Variants in OR10A6 observed in about 807,000 individuals in gnomAD.
The protein encoded by OR10A6 is olfactory receptor family 10 subfamily A member 6 (gene/pseudogene).
OR10A6 carries 2 observed loss-of-function variants against 1.5 expected under a neutral mutation model. The ratio of observed to expected loss-of-function variants is 1.31; its 90% CI spans 0.54 to 4.13. The LOEUF (loss-of-function observed/expected upper bound fraction) is 4.13, where lower values mean the gene tolerates loss of function less well. Ranked by LOEUF, OR10A6 falls within the 30% of genes most tolerant of loss-of-function variation. OR10A6 has a pLI of 0.07. For synonymous variants in OR10A6, 169 were observed against 137.3 expected (o/e 1.23, Z -1.61); for missense variants, 492 against 368.6 (o/e 1.33, Z -2.74).
rs1859374245 is a variant in OR10A6, at chr11:7,925,276, AGC to A, written c.*2440_*2441del. The A allele has an allele frequency of 6.6e-6, 1 of 152,222 alleles. No homozygotes were observed. The highest frequency in any genetic ancestry group is 2.1e-4 in the South Asian group (1 of 4,836). 9.4% of individuals were successfully genotyped at this position (152,222 alleles called of 1,614,324 possible). A position where few individuals can be genotyped will look rare whatever the true frequency, so the allele number is the denominator to read the frequency against. On this transcript the variant is annotated 3_prime_UTR_variant, in exon 4 of 4. Transcript: ENST00000641238. ...ATTTTAAACTATGACTAAATTTACT[AGC>A]GATTATTTCTATCTCCTCACATAAC... is the stretch of plus-strand genomic sequence containing the variant.
chr11:7,930,250 T>G lies in OR10A6; in HGVS notation c.-1588A>C, dbSNP rs1859511293. The G allele has an allele frequency of 1.3e-5, 2 of 151,526 alleles. No individual in the cohort carries two copies. The highest frequency in any genetic ancestry group is 2.4e-5 in the African/African-American group (1 of 41,172). 9.4% of individuals were successfully genotyped at this position (151,526 alleles called of 1,614,324 possible). A position where few individuals can be genotyped will look rare whatever the true frequency, so the allele number is the denominator to read the frequency against. ...AAATTTAAGTAAGGGAATGATGACA[T>G]TTGAAGGGGGTGGAGGATGAACAAA... On this transcript the variant is annotated 5_prime_UTR_variant, in exon 4 of 4. It removes an upstream start codon present in the reference 5' UTR. Coordinates refer to ENST00000641238, the MANE Select transcript of OR10A6 (RefSeq NM_001004461.2).
rs1859490172 is a variant in OR10A6 at position 7,929,736 on chromosome 11, A to ATG, written c.-1075_-1074insCA. The ATG allele has an allele frequency of 5.8e-5, 2 of 34,570 alleles. No individual in the cohort carries two copies. The allele number at this position is 34,570 out of a possible 1,614,324, so 2.1% of individuals were successfully genotyped here. A position where few individuals can be genotyped will look rare whatever the true frequency, so the allele number is the denominator to read the frequency against. ...TTTCTATGTGTACATATATATATAT[A>ATG]TATATATATATATATATATACACAC... On this transcript the variant is annotated 5_prime_UTR_variant, in exon 4 of 4. The change abolishes the stop of an existing upstream ORF in the 5' untranslated region. Coordinates refer to ENST00000641238, the MANE Select transcript of OR10A6 (RefSeq NM_001004461.2).
chr11:7,925,844 G>A lies in OR10A6; in HGVS notation c.*1874C>T, dbSNP rs923980103. 11 of 152,180 alleles carry A rather than the reference G, an allele frequency of 7.2e-5. No homozygotes were observed. The highest frequency in any genetic ancestry group is 4.6e-4 in the Admixed American group (7 of 15,272). 9.4% of individuals were successfully genotyped at this position (152,180 alleles called of 1,614,324 possible). On this transcript the variant is annotated 3_prime_UTR_variant, in exon 4 of 4. Coordinates refer to ENST00000641238, the MANE Select transcript of OR10A6 (RefSeq NM_001004461.2). ...ACAACATTCAGATATCACTGATAGC[G>A]ACAGGAGGCAGCCAAATGCCTAGGC...
chr11:7,924,928 T>A lies in OR10A6; in HGVS notation c.*2790A>T, dbSNP rs1356759478. The stretch of plus-strand genomic sequence containing the variant: ...TAAAGAGTTTTCATAGACACCCTAC[T>A]CAAGGATGTCCACCTATATATCACT... On this transcript the variant is annotated 3_prime_UTR_variant, in exon 4 of 4. Coordinates refer to ENST00000641238, the MANE Select transcript of OR10A6 (RefSeq NM_001004461.2). 1 of 152,116 alleles carries A rather than the reference T, an allele frequency of 6.6e-6. No individual in the cohort carries two copies. Among genetic ancestry groups the A allele is most frequent in the African/African-American group, 2.4e-5 (1 of 41,418 alleles). The allele number at this position is 152,116 out of a possible 1,614,324, so 9.4% of individuals were successfully genotyped here. A position where few individuals can be genotyped will look rare whatever the true frequency, so the allele number is the denominator to read the frequency against.
chr11:7,924,948 A>G lies in OR10A6; in HGVS notation c.*2770T>C, dbSNP rs921870871. On this transcript the variant is annotated 3_prime_UTR_variant, in exon 4 of 4. Coordinates refer to ENST00000641238, the MANE Select transcript of OR10A6 (RefSeq NM_001004461.2). ...CCTACTCAAGGATGTCCACCTATAT[A>G]TCACTAGTCAGAACTGTGTCACAAA... 1.3e-5 allele frequency: 2 copies of G among 152,176 alleles called. No homozygotes were observed. The highest frequency in any genetic ancestry group is 6.5e-5 in the Admixed American group (1 of 15,274). The allele number at this position is 152,176 out of a possible 1,614,324, so 9.4% of individuals were successfully genotyped here.
chr11:7,931,073 A>C (rs1379594211), intron 1 of OR10A6, 60 bp from the exon 2 acceptor site: 1 of 152,220 alleles, frequency 6.6e-6, no homozygotes, highest in Non-Finnish European at 1.5e-5. Context: ...TCAATGTTTC[A>C]GCTGAGCCTA....
At position 7,928,178 on chromosome 11, in the gene OR10A6, C is replaced by T. The variant is rs866981874; in HGVS notation, c.485G>A (p.Trp162Ter). 3 of 1,613,284 alleles carry T rather than the reference C, an allele frequency of 1.9e-6. No homozygotes were observed. In the South Asian group the frequency reaches 3.3e-5, roughly 18 times the overall value. ...GFMLGTVQTS[W>*]VSSFPFCGLN... ...GCCACAAAAGGGAAAACTAGATACC[C>T]ATGATGTTTGAACAGTACCTAACAT... Residue 162 changes from tryptophan (W) to a stop codon, truncating the protein, a stop_gained, in exon 4 of 4, where the codon TGG becomes TAG. Coordinates refer to ENST00000641238, the MANE Select transcript of OR10A6 (RefSeq NM_001004461.2). LOFTEE classifies it low-confidence loss of function (END_TRUNC).
In OR10A6 at chr11:7,929,122, A is replaced by G. The variant is rs1397596; in HGVS notation, c.-460T>C. On this transcript the variant is annotated 5_prime_UTR_variant, in exon 4 of 4. Transcript: ENST00000641238. ...AATGTGATAATAGCCTAATAATCCA[A>G]TGTTACAGCATATTTGATATAAACT... 23,315 of 153,430 alleles carry G rather than the reference A, an allele frequency of 0.15. 2,370 individuals carry two copies. The highest frequency in any genetic ancestry group is 0.23 in the Middle Eastern group (67 of 296). 9.5% of individuals were successfully genotyped at this position (153,430 alleles called of 1,614,324 possible). A position where few individuals can be genotyped will look rare whatever the true frequency, so the allele number is the denominator to read the frequency against.
chr11:7,928,748 G>T lies in OR10A6; in HGVS notation c.-86C>A. The stretch of plus-strand genomic sequence containing the variant: ...GTCCATTAGCTAAGAGTTCCAGTCT[G>T]CATTCACCCCAGAAATTCTGGCAGA... On this transcript the variant is annotated 5_prime_UTR_variant, in exon 4 of 4. Coordinates refer to ENST00000641238, the MANE Select transcript of OR10A6 (RefSeq NM_001004461.2). The T allele has an allele frequency of 1.1e-6, 1 of 936,760 alleles. No individual in the cohort carries two copies. The highest frequency in any genetic ancestry group is 1.5e-6 in the Non-Finnish European group (1 of 672,200). The allele number at this position is 936,760 out of a possible 1,614,324, so 58.0% of individuals were successfully genotyped here. A position where few individuals can be genotyped will look rare whatever the true frequency, so the allele number is the denominator to read the frequency against.
rs1201723441 is a variant in OR10A6 at position 7,925,165 on chromosome 11, A to G, written c.*2553T>C. 6.6e-6 allele frequency: 1 copy of G among 152,234 alleles called. No homozygotes were observed. Among genetic ancestry groups the G allele is most frequent in the Admixed American group, 6.5e-5 (1 of 15,278 alleles). 9.4% of individuals were successfully genotyped at this position (152,234 alleles called of 1,614,324 possible). A position where few individuals can be genotyped will look rare whatever the true frequency, so the allele number is the denominator to read the frequency against. The stretch of plus-strand genomic sequence containing the variant: ...ACGGTGACTATAACTAAAAATCACC[A>G]TGAAGAATAGTATGCAGAAATGATA... On this transcript the variant is annotated 3_prime_UTR_variant, in exon 4 of 4. Coordinates refer to ENST00000641238, the MANE Select transcript of OR10A6 (RefSeq NM_001004461.2).
Position 7,925,969 on chromosome 11 carries a change from C to T in OR10A6, c.*1749G>A, listed in dbSNP as rs181377483. On this transcript the variant is annotated 3_prime_UTR_variant, in exon 4 of 4. Coordinates refer to ENST00000641238, the MANE Select transcript of OR10A6 (RefSeq NM_001004461.2). The stretch of plus-strand genomic sequence containing the variant: ...TTAAACTCTGGGACCGGATTGAGAA[C>T]TTATCTTCCCATTTCACATACTTTC... 1.8e-4 allele frequency: 28 copies of T among 152,340 alleles called. No homozygotes were observed. The highest frequency in any genetic ancestry group is 1.0e-3 in the Admixed American group (16 of 15,306). The allele number at this position is 152,340 out of a possible 1,614,324, so 9.4% of individuals were successfully genotyped here.
Position 7,928,675 on chromosome 11 carries a change from A to T in OR10A6, c.-13T>A. On this transcript the variant is annotated 5_prime_UTR_variant, in exon 4 of 4. Transcript: ENST00000641238. ...TTTGTCTTTCCATTTTCAGTAATGA[A>T]GTCGTGCATTGATTTTATGGACATA... The T allele has an allele frequency of 6.4e-7, 1 of 1,567,882 alleles. No homozygotes were observed. The highest frequency in any genetic ancestry group is 8.7e-7 in the Non-Finnish European group (1 of 1,152,992).
Position 7,928,720 on chromosome 11 carries a change from A to G in OR10A6, c.-58T>C. 7.1e-6 allele frequency: 9 copies of G among 1,272,860 alleles called. No homozygotes were observed. The highest frequency in any genetic ancestry group is 9.7e-6 in the Non-Finnish European group (9 of 931,390). 78.8% of individuals were successfully genotyped at this position (1,272,860 alleles called of 1,614,324 possible). ...GACATAGTATATACAGAATAAAGCC[A>G]CAGTCCATTAGCTAAGAGTTCCAGT... On this transcript the variant is annotated 5_prime_UTR_variant, in exon 4 of 4. Coordinates refer to ENST00000641238, the MANE Select transcript of OR10A6 (RefSeq NM_001004461.2).
Position 7,928,418 on chromosome 11 carries a change from A to C in OR10A6, c.245T>G (p.Leu82Arg). 6.2e-7 allele frequency: 1 copy of C among 1,613,944 alleles called. No homozygotes were observed. The highest frequency in any genetic ancestry group is 8.5e-7 in the Non-Finnish European group (1 of 1,179,906). The part of the protein sequence containing the change: ...SFSAVIMPEM[L>R]VVLSTEKTTI... ...AGTTTTTTCAGTAGAGAGGACCACCAGCATTTCAGGCATAATAACTGCACT... is the reference window on the plus strand; with the variant it reads ...AGTTTTTTCAGTAGAGAGGACCACCCGCATTTCAGGCATAATAACTGCACT... The change falls in exon 4 of 4, where the codon CTG becomes CGG. Residue 82 changes from leucine (L) to arginine (R), a missense_variant. Coordinates refer to ENST00000641238, the MANE Select transcript of OR10A6 (RefSeq NM_001004461.2).
At position 7,928,586 on chromosome 11, in the gene OR10A6, T is replaced by A; in HGVS notation, c.77A>T (p.Gln26Leu). The stretch of plus-strand genomic sequence containing the variant: ...AATAACCAGGAAAGCCACAAAGAGC[T>A]GCCCCTGGAGCTCAGGATAGTTAGA... Reference protein sequence around the residue: ...GFSNYPELQGQLFVAFLVIYL... With the variant: ...GFSNYPELQGLLFVAFLVIYL... Residue 26 changes from glutamine (Q) to leucine (L), a missense_variant, in exon 4 of 4, where the codon CAG becomes CTG. By Grantham distance (113) the Gln-to-Leu change is moderately radical. Coordinates refer to ENST00000641238, the MANE Select transcript of OR10A6 (RefSeq NM_001004461.2). 1 of 1,613,832 alleles carries A rather than the reference T, an allele frequency of 6.2e-7. No homozygotes were observed. The highest frequency in any genetic ancestry group is 1.3e-5 in the African/African-American group (1 of 75,042).
In OR10A6 at chr11:7,926,821, T is replaced by A. The variant is rs1859410788; in HGVS notation, c.*897A>T. On this transcript the variant is annotated 3_prime_UTR_variant, in exon 4 of 4. Coordinates refer to ENST00000641238, the MANE Select transcript of OR10A6 (RefSeq NM_001004461.2). Reference sequence around the variant, plus strand: ...ATGTGATTATTTTATGTTGGAAAGATGCACATAAATATTGATATGACCCAA... The same window carrying A: ...ATGTGATTATTTTATGTTGGAAAGAAGCACATAAATATTGATATGACCCAA... 6.6e-6 allele frequency: 1 copy of A among 152,218 alleles called. No homozygotes were observed. Among genetic ancestry groups the A allele is most frequent in the Non-Finnish European group, 1.5e-5 (1 of 68,036 alleles). 9.4% of individuals were successfully genotyped at this position (152,218 alleles called of 1,614,324 possible). A position where few individuals can be genotyped will look rare whatever the true frequency, so the allele number is the denominator to read the frequency against.
Position 7,926,328 on chromosome 11 carries a change from G to C in OR10A6, c.*1390C>G, listed in dbSNP as rs574345566. On this transcript the variant is annotated 3_prime_UTR_variant, in exon 4 of 4. Transcript: ENST00000641238. ...TTCTTGGGTGTGGTACAAAAGCTTG[G>C]GAACTGCTGAATGCAGGTACAAGCT... 30 of 152,302 alleles carry C rather than the reference G, an allele frequency of 2.0e-4. No individual in the cohort carries two copies. The highest frequency in any genetic ancestry group is 6.3e-4 in the African/African-American group (26 of 41,546). 9.4% of individuals were successfully genotyped at this position (152,302 alleles called of 1,614,324 possible). A position where few individuals can be genotyped will look rare whatever the true frequency, so the allele number is the denominator to read the frequency against.
In OR10A6 at chr11:7,929,958, A is replaced by ATG. The variant is rs1278464056; in HGVS notation, c.-1298_-1297dup. The ATG allele has an allele frequency of 2.4e-4, 19 of 79,038 alleles. No homozygotes were observed. The highest frequency in any genetic ancestry group is 8.7e-4 in the African/African-American group (16 of 18,414). 4.9% of individuals were successfully genotyped at this position (79,038 alleles called of 1,614,324 possible). On this transcript the variant is annotated 5_prime_UTR_variant, in exon 4 of 4. Coordinates refer to ENST00000641238, the MANE Select transcript of OR10A6 (RefSeq NM_001004461.2). ...ATATAAGCTCTAGTAAGGTATGTGTATGTGTATGTATATATATATATATAT... is the reference window on the plus strand; with the variant it reads ...ATATAAGCTCTAGTAAGGTATGTGTATGTGTGTATGTATATATATATATATAT...
intron 3 of OR10A6, 102 bp from the exon 4 acceptor site, chr11:7,930,617 G>A (rs1189000689): frequency 6.6e-6 from 1 of 152,050 alleles, no homozygotes; most frequent in African/African-American, 2.4e-5. Flanking sequence ...CACAAAAATT[G>A]TACTGTATTT....
Sources: gnomAD v4.1 joint callset for allele counts on GRCh38, gnomAD v4.1.1 for gene constraint, MANE v1.5 for transcripts, NCBI Gene and HGNC (gene_info 2026-07-23, HGNC 2026-07-21) for gene names.